The following PGBD5 variants were observed in gnomAD, a reference collection of about 807,000 sequenced individuals.
PGBD5 encodes the protein piggyBac transposable element derived 5, also known as piggyBac transposable element-derived protein 5.
A neutral mutation model predicts 47.9 loss-of-function variants in PGBD5; 14 were observed. That is an observed-to-expected ratio of 0.29 (90% CI 0.19 to 0.46). The LOEUF (loss-of-function observed/expected upper bound fraction) is 0.46. Among genes scored for constraint, PGBD5 ranks in the 20% least tolerant of loss-of-function variants. PGBD5 has a pLI of 1.00. For missense variants in PGBD5, 635 were observed against 716.0 expected (o/e 0.89, Z 1.29); for synonymous variants, 316 against 306.3 (o/e 1.03, Z -0.33).
chr1:230,363,970 C>A lies in PGBD5; in HGVS notation c.332-6649G>T, dbSNP rs150676925. On this transcript the variant is annotated intron_variant, in intron 1 of 6. Coordinates refer to ENST00000391860, the MANE Select transcript of PGBD5 (RefSeq NM_001258311.2). Reference sequence around the variant, plus strand: ...CAGCTAAAGTAATCACCATTTCTCTCGCATCCCTTTTTCCTTCCCCCTTGT... The same window carrying A: ...CAGCTAAAGTAATCACCATTTCTCTAGCATCCCTTTTTCCTTCCCCCTTGT... Among the ~76,000 whole-genome samples, 508 of 152,318 alleles carry A rather than the reference C, an allele frequency of 3.3e-3. 1 individual carries two copies. Among genetic ancestry groups the A allele is most frequent in the African/African-American group, 0.012 (484 of 41,558 alleles).
intron 1 of PGBD5, among the ~76,000 whole-genome samples, chr1:230,361,411 T>C (rs1437194118): frequency 6.6e-6 from 1 of 152,102 alleles, no homozygotes; most frequent in African/African-American, 2.4e-5. Context: ...TGCATGCTGA[T>C]GGTGCATTGC....
chr1:230,346,125 T>C (rs551333775), intron 3 of PGBD5, among the ~76,000 whole-genome samples: 4 of 152,300 alleles, frequency 2.6e-5, no homozygotes, highest in African/African-American at 7.2e-5. Context: ...GACTGTAGCC[T>C]TGATCTCCCA....
At position 230,425,352 on chromosome 1, in the gene PGBD5, G is replaced by T. The variant is rs746232576; in HGVS notation, c.331+246C>A. ...GGTGCTCCCAGGAAGTGAAGGAAAA[G>T]GTCCCCGACGACATTGTCACTGGAA... is the stretch of plus-strand genomic sequence containing the variant. On this transcript the variant is annotated intron_variant, in intron 1 of 6. Coordinates refer to ENST00000391860, the MANE Select transcript of PGBD5 (RefSeq NM_001258311.2). This position sits in a 1 kb window ranked among gnomAD's most constrained non-coding sequence, Gnocchi z 4.7. Among the ~76,000 whole-genome samples the T allele has an allele frequency of 2.4e-4, 36 of 152,170 alleles. No individual in the cohort carries two copies. The highest frequency in any genetic ancestry group is 4.6e-4 in the Non-Finnish European group (31 of 68,032).
intron 6 of PGBD5, among the ~76,000 whole-genome samples, chr1:230,324,608 T>C (rs924615312): frequency 6.6e-6 from 1 of 152,186 alleles, no homozygotes; most frequent in African/African-American, 2.4e-5. Context: ...CAATATCTGA[T>C]TTTGAGTTAG....
chr1:230,328,830 G>A (rs1007054848), intron 5 of PGBD5, among the ~76,000 whole-genome samples: 4 of 152,186 alleles, frequency 2.6e-5, no homozygotes, highest in African/African-American at 4.8e-5. Context: ...AATCCTAAAT[G>A]GGCAGACTCC....
chr1:230,374,139 C>A (rs935386982), intron 1 of PGBD5, among the ~76,000 whole-genome samples: 3 of 152,164 alleles, frequency 2.0e-5, no homozygotes, highest in African/African-American at 7.2e-5. Context: ...AAACTTTTGG[C>A]CAGGCAGGGT....
chr1:230,369,075 G>A (rs935262341), intron 1 of PGBD5, among the ~76,000 whole-genome samples: 2 of 152,272 alleles, frequency 1.3e-5, no homozygotes, highest in African/African-American at 4.8e-5. Context: ...TTGGCCACAG[G>A]CCAGACAGAA....
chr1:230,362,611 C>T (rs1571840902), intron 1 of PGBD5, among the ~76,000 whole-genome samples: 1 of 152,178 alleles, frequency 6.6e-6, no homozygotes, highest in East Asian at 1.9e-4. Flanking sequence ...GCTGTCCCAT[C>T]GGCCACTCAT....
chr1:230,334,110 C>T (rs1667265174), intron 4 of PGBD5, among the ~76,000 whole-genome samples: 1 of 152,210 alleles, frequency 6.6e-6, no homozygotes, highest in African/African-American at 2.4e-5. Context: ...TCCCACCCTG[C>T]ACTGGAAGAA....
At chr1:230,424,887 C>G (rs983549222) in intron 1 of PGBD5, among the ~76,000 whole-genome samples, 5 of 152,228 alleles carry the variant, frequency 3.3e-5, no homozygotes, top group Non-Finnish European at 5.9e-5. Flanking sequence ...TGCCAGCACC[C>G]TAGCCACCTT....
In PGBD5 at chr1:230,391,370, CT is replaced by C. The variant is rs570031422; in HGVS notation, c.332-34050del. On this transcript the variant is annotated intron_variant, in intron 1 of 6. Transcript: ENST00000391860. ...CGATTTTGCCCCCTCATTTTCTCCCCTAGGAAAAAATATGAGTTTGCTGTCT... is the reference window on the plus strand; with the variant it reads ...CGATTTTGCCCCCTCATTTTCTCCCCAGGAAAAAATATGAGTTTGCTGTCT... 1.4e-4 allele frequency among the ~76,000 whole-genome samples: 21 copies of C among 152,268 alleles called. No homozygotes were observed. In the South Asian group the frequency reaches 4.4e-3, roughly 32 times the overall value.
chr1:230,347,369 C>T (rs1057226136), intron 3 of PGBD5, among the ~76,000 whole-genome samples: 2 of 152,220 alleles, frequency 1.3e-5, no homozygotes, highest in Admixed American at 1.3e-4. Context: ...ATCAGAGAAG[C>T]CCAGCAGGCT....
At chr1:230,329,351 A>G (rs1473728038) in intron 5 of PGBD5, among the ~76,000 whole-genome samples, 2 of 152,224 alleles carry the variant, frequency 1.3e-5, no homozygotes, top group African/African-American at 4.8e-5. Flanking sequence ...AGTAAAAAAA[A>G]ATTAACCAAT....
rs550816119 is a variant in PGBD5 at position 230,391,743 on chromosome 1, A to G, written c.331+33855T>C. Among the ~76,000 whole-genome samples, 262 of 152,326 alleles carry G rather than the reference A, an allele frequency of 1.7e-3. 1 individual carries two copies. Among genetic ancestry groups the G allele is most frequent in the African/African-American group, 6.1e-3 (252 of 41,570 alleles). ...AGGAGGATATGCTATTTCCAGAAAA[A>G]TAAACCTCTTCCTCACCATTTCTAG... On this transcript the variant is annotated intron_variant, in intron 1 of 6. Coordinates refer to ENST00000391860, the MANE Select transcript of PGBD5 (RefSeq NM_001258311.2).
chr1:230,415,935 C>T (rs986356788), intron 1 of PGBD5, among the ~76,000 whole-genome samples: 3 of 152,168 alleles, frequency 2.0e-5, no homozygotes, highest in Non-Finnish European at 2.9e-5. Context: ...GCTCCACTTC[C>T]TCATTTTAAA....
chr1:230,405,194 C>CA (rs572023424), intron 1 of PGBD5, among the ~76,000 whole-genome samples: 11,826 of 119,906 alleles, frequency 0.099, 636 homozygotes, highest in South Asian at 0.22. Flanking sequence ...GACTCCACCT[C>CA]AAAAAAAAAA....
chr1:230,423,683 T>A (rs2102758028), intron 1 of PGBD5, among the ~76,000 whole-genome samples: 1 of 152,150 alleles, frequency 6.6e-6, no homozygotes, highest in Middle Eastern at 3.4e-3. Flanking sequence ...CAGGGAGAAA[T>A]TTGCAAAGAG....
Position 230,321,829 on chromosome 1 carries a change from A to G in PGBD5, c.*1596T>C, listed in dbSNP as rs1667035576. On this transcript the variant is annotated 3_prime_UTR_variant, in exon 7 of 7. Transcript: ENST00000391860. ...ATGTGGTAAAAGTGCTTTCAATCCC[A>G]TTAAAGGGCACAGCAAGGGTGTTTG... 6.6e-6 allele frequency: 1 copy of G among 152,646 alleles called. No individual in the cohort carries two copies. The highest frequency in any genetic ancestry group is 1.5e-5 in the Non-Finnish European group (1 of 68,048). The allele number at this position is 152,646 out of a possible 1,614,324, so 9.5% of individuals were successfully genotyped here.
At chr1:230,412,830 G>A (rs1259462999) in intron 1 of PGBD5, among the ~76,000 whole-genome samples, 1 of 152,154 alleles carries the variant, frequency 6.6e-6, no homozygotes, top group African/African-American at 2.4e-5. Flanking sequence ...GCAAACCTGT[G>A]TTGTTCAAGA....
Sources: gnomAD v4.1 joint callset for allele counts (sites outside exome capture counted in the v4.1 genomes callset) on GRCh38, gnomAD v4.1.1 for gene constraint, Gnocchi (gnomAD v3.1) non-coding constraint, MANE v1.5 for transcripts, NCBI Gene and HGNC (gene_info 2026-07-23, HGNC 2026-07-21) for gene names.